PEX11B: variants seen among roughly 807,000 people sequenced by gnomAD.
The protein encoded by PEX11B is peroxisomal membrane protein 11B.
A neutral mutation model predicts 28.2 loss-of-function variants in PEX11B; 18 were observed. The ratio of observed to expected loss-of-function variants is 0.64; its 90% CI spans 0.44 to 0.95. The LOEUF (loss-of-function observed/expected upper bound fraction) is 0.95. Among genes scored for constraint, PEX11B ranks in the 40% least tolerant of loss-of-function variants. The pLI is 0.00. For missense variants in PEX11B, 305 were observed against 319.8 expected (o/e 0.95, Z 0.35); for synonymous variants, 128 against 128.7 (o/e 0.99, Z 0.04).
intron 3 of PEX11B, among the ~76,000 whole-genome samples, chr1:145,915,759 G>A (rs1365905667): frequency 1.3e-5 from 2 of 150,632 alleles, no homozygotes; most frequent in African/African-American, 2.4e-5. Flanking sequence ...TCAGCCTCCC[G>A]AGTAGCTGGG....
At position 145,911,388 on chromosome 1, in the gene PEX11B, G is replaced by A. The variant is rs1390414643; in HGVS notation, c.*773C>T. ...TGAACTTTAATTTGCTTACCTGAAA[G>A]GCTTGCTCTTCATTATTGGCATAGG... On this transcript the variant is annotated 3_prime_UTR_variant, in exon 4 of 4. Coordinates refer to ENST00000369306, the MANE Select transcript of PEX11B (RefSeq NM_003846.3). 6.6e-6 allele frequency: 1 copy of A among 152,338 alleles called. No homozygotes were observed. Among genetic ancestry groups the A allele is most frequent in the African/African-American group, 2.4e-5 (1 of 41,478 alleles). 9.4% of individuals were successfully genotyped at this position (152,338 alleles called of 1,614,324 possible). A position where few individuals can be genotyped will look rare whatever the true frequency, so the allele number is the denominator to read the frequency against.
In PEX11B at chr1:145,918,349, T is replaced by A. The variant is rs1473413264; in HGVS notation, c.56+284A>T. 16 of 1,525,744 alleles carry A rather than the reference T, an allele frequency of 1.0e-5. No individual in the cohort carries two copies. In the East Asian group the frequency reaches 3.9e-4, roughly 37 times the overall value. The allele number at this position is 1,525,744 out of a possible 1,614,324, so 94.5% of individuals were successfully genotyped here. ...TCCACCGTGGGGCGAATGCTCCTCATTCCATCACCGCCCAGTGAGGACACT... is the reference window on the plus strand; with the variant it reads ...TCCACCGTGGGGCGAATGCTCCTCAATCCATCACCGCCCAGTGAGGACACT... On this transcript the variant is annotated intron_variant, in intron 1 of 3. Transcript: ENST00000369306.
Position 145,912,090 on chromosome 1 carries a change from C to T in PEX11B, c.*71G>A. 1 of 1,222,480 alleles carries T rather than the reference C, an allele frequency of 8.2e-7. No homozygotes were observed. The highest frequency in any genetic ancestry group is 1.1e-6 in the Non-Finnish European group (1 of 898,380). 75.7% of individuals were successfully genotyped at this position (1,222,480 alleles called of 1,614,324 possible). A position where few individuals can be genotyped will look rare whatever the true frequency, so the allele number is the denominator to read the frequency against. ...ACCAAAGAGTAGAATTCGAATGAGG[C>T]TGGCACATGGGGGACGATCTAAGAT... On this transcript the variant is annotated 3_prime_UTR_variant, in exon 4 of 4. Transcript: ENST00000369306.
At chr1:145,917,230 A>G in intron 2 of PEX11B, among the ~76,000 whole-genome samples, 1 of 152,238 alleles carries the variant, frequency 6.6e-6, no homozygotes, top group South Asian at 2.1e-4. Flanking sequence ...CACGAGTTTG[A>G]GACCAGCCTG....
Position 145,913,226 on chromosome 1 carries a change from T to G in PEX11B, c.375-660A>C, listed in dbSNP as rs191503782. Among the ~76,000 whole-genome samples the G allele has an allele frequency of 2.6e-5, 4 of 152,224 alleles. No homozygotes were observed. In the East Asian group the frequency reaches 5.8e-4, roughly 22 times the overall value. On this transcript the variant is annotated intron_variant, in intron 3 of 3. Coordinates refer to ENST00000369306, the MANE Select transcript of PEX11B (RefSeq NM_003846.3). ...ATGCAAGATGAGTAAGTTCTGGAGA[T>G]CTAATGTACTACATTGTGACTATAG...
intron 2 of PEX11B, among the ~76,000 whole-genome samples, chr1:145,917,399 C>T (rs1157061181): frequency 2.0e-5 from 3 of 152,148 alleles, no homozygotes; most frequent in African/African-American, 7.2e-5. Context: ...CCACTGCACT[C>T]TGACCTGGAC....
At position 145,912,370 on chromosome 1, in the gene PEX11B, G is replaced by A. The variant is rs781840631; in HGVS notation, c.571C>T (p.Arg191Trp). The change falls in exon 4 of 4, where the codon CGG becomes TGG. Residue 191 changes from arginine (R) to tryptophan (W), a missense_variant. Coordinates refer to ENST00000369306, the MANE Select transcript of PEX11B (RefSeq NM_003846.3). ...CGAGCCAGGAGCAGGACTTGCAGCC[G>A]AAGTTTCAGAGCCAGTTGGGGCAGA... ...GGLPQLALKL[R>W]LQVLLLARVL... 5.0e-6 allele frequency: 8 copies of A among 1,612,516 alleles called. No individual in the cohort carries two copies. Among genetic ancestry groups the A allele is most frequent in the South Asian group, 2.2e-5 (2 of 90,818 alleles).
In PEX11B at chr1:145,916,910, G is replaced by A. The variant is rs782811443; in HGVS notation, c.281C>T (p.Ala94Val). 2 of 1,613,756 alleles carry A rather than the reference G, an allele frequency of 1.2e-6. No homozygotes were observed. Among genetic ancestry groups the A allele is most frequent in the Non-Finnish European group, 1.7e-6 (2 of 1,179,780 alleles). ...GACATTGTCACAGGCGAAGTACAAG[G>A]CTCGATTGAGGTGACTAACAGTGAT... ...FCITVSHLNR[A>V]LYFACDNVLW... The change falls in exon 3 of 4, where the codon GCC (alanine) becomes GTC (valine). Residue 94 changes from alanine to valine, a missense_variant. By Grantham distance (64) the Ala-to-Val change is moderately conservative. Coordinates refer to ENST00000369306, the MANE Select transcript of PEX11B (RefSeq NM_003846.3).
Position 145,912,069 on chromosome 1 carries a change from A to C in PEX11B, c.*92T>G. The C allele has an allele frequency of 1.9e-6, 2 of 1,028,310 alleles. No homozygotes were observed. The highest frequency in any genetic ancestry group is 4.7e-5 in the South Asian group (2 of 42,698). The allele number at this position is 1,028,310 out of a possible 1,614,324, so 63.7% of individuals were successfully genotyped here. A position where few individuals can be genotyped will look rare whatever the true frequency, so the allele number is the denominator to read the frequency against. On this transcript the variant is annotated 3_prime_UTR_variant, in exon 4 of 4. Coordinates refer to ENST00000369306, the MANE Select transcript of PEX11B (RefSeq NM_003846.3). ...ATCTCTGAATTTCTAACTTTAACCA[A>C]AGAGTAGAATTCGAATGAGGCTGGC...
chr1:145,912,875 G>A (rs1373940443), intron 3 of PEX11B, among the ~76,000 whole-genome samples: 4 of 152,120 alleles, frequency 2.6e-5, no homozygotes, highest in African/African-American at 4.8e-5. Context: ...ATCACCTGAG[G>A]TCAGGAGTTT....
chr1:145,914,603 C>T (rs1250629338), intron 3 of PEX11B, among the ~76,000 whole-genome samples: 1 of 152,144 alleles, frequency 6.6e-6, no homozygotes, highest in Admixed American at 6.5e-5. Flanking sequence ...GCCTTAGGAC[C>T]TTTGCACTAC....
Position 145,911,832 on chromosome 1 carries a change from A to G in PEX11B, c.*329T>C, listed in dbSNP as rs1036480896. On this transcript the variant is annotated 3_prime_UTR_variant, in exon 4 of 4. Coordinates refer to ENST00000369306, the MANE Select transcript of PEX11B (RefSeq NM_003846.3). Reference sequence around the variant, plus strand: ...TGCTGATTAAATCCCTGGATAGGAGAATGAGAAGGTTGAAAAAAGAAAGAG... The same window carrying G: ...TGCTGATTAAATCCCTGGATAGGAGGATGAGAAGGTTGAAAAAAGAAAGAG... The G allele has an allele frequency of 4.9e-4, 90 of 184,232 alleles. No homozygotes were observed. In the Middle Eastern group the frequency reaches 8.6e-3, roughly 18 times the overall value. The allele number at this position is 184,232 out of a possible 1,614,324, so 11.4% of individuals were successfully genotyped here.
intron 3 of PEX11B, among the ~76,000 whole-genome samples, chr1:145,914,189 C>T (rs929262338): frequency 1.6e-4 from 24 of 152,252 alleles, no homozygotes; most frequent in African/African-American, 5.3e-4. Context: ...GCCTGACCAA[C>T]GTGGTGAAAC....
intron 1 of PEX11B, chr1:145,918,033 TTGAGCAAATTAGAGATTTGACAATGA>T: frequency 6.1e-6 from 6 of 984,740 alleles, no homozygotes; most frequent in Non-Finnish European, 7.2e-6. Flanking sequence ...CTATTGAATG[TTGAGCAAATTAGAGATTTGACAATGA>T]TGAGGCCTGA....
rs1183840367 is a variant in PEX11B, at chr1:145,912,005, C to G, written c.*156G>C. 7.4e-6 allele frequency: 4 copies of G among 537,534 alleles called. No homozygotes were observed. Among genetic ancestry groups the G allele is most frequent in the Non-Finnish European group, 1.3e-5 (4 of 316,154 alleles). The allele number at this position is 537,534 out of a possible 1,614,324, so 33.3% of individuals were successfully genotyped here. A position where few individuals can be genotyped will look rare whatever the true frequency, so the allele number is the denominator to read the frequency against. On this transcript the variant is annotated 3_prime_UTR_variant, in exon 4 of 4. Transcript: ENST00000369306. ...CTATTAACTTCACGAGTCATCTTTCCTTACCTCATCTTCCCCAAAGCTCTT... is the reference window on the plus strand; with the variant it reads ...CTATTAACTTCACGAGTCATCTTTCGTTACCTCATCTTCCCCAAAGCTCTT...
intron 3 of PEX11B, among the ~76,000 whole-genome samples, chr1:145,914,739 C>T (rs1025685248): frequency 6.6e-6 from 1 of 152,194 alleles, no homozygotes; most frequent in Non-Finnish European, 1.5e-5. Context: ...AGACGCCTTC[C>T]CTTATCCCTA....
chr1:145,918,288 G>T, intron 1 of PEX11B: 4 of 1,460,910 alleles, frequency 2.7e-6, no homozygotes, highest in Non-Finnish European at 3.6e-6. Flanking sequence ...GAAACTGGGA[G>T]TGCCTCCTCA....
chr1:145,912,619 T>G (rs1392406665), intron 3 of PEX11B, 53 bp from the exon 4 acceptor site: 4 of 1,170,934 alleles, frequency 3.4e-6, no homozygotes, highest in Non-Finnish European at 4.6e-6. Context: ...ACTTAACATA[T>G]CCAACATCAC....
Position 145,918,674 on chromosome 1 carries a change from G to C in PEX11B, c.15C>G (p.Val5=). The C allele has an allele frequency of 6.3e-7, 1 of 1,584,984 alleles. No individual in the cohort carries two copies. The highest frequency in any genetic ancestry group is 8.6e-7 in the Non-Finnish European group (1 of 1,166,334). ...GGGCTTGGCTCTGAGCACTGAAGCG[G>C]ACCCAGGCGTCCATGACAGCCGCAG... MDAW[V]RFSAQSQARE... Residue 5 remains valine (V), a synonymous_variant, in exon 1 of 4, where the codon GTC becomes GTG. Coordinates refer to ENST00000369306, the MANE Select transcript of PEX11B (RefSeq NM_003846.3).
Sources: allele counts gnomAD v4.1 joint callset (sites outside exome capture counted in the v4.1 genomes callset), GRCh38; gene constraint gnomAD v4.1.1; transcripts MANE v1.5; gene names NCBI Gene and HGNC (gene_info 2026-07-23, HGNC 2026-07-21).